The following LHFPL3 variants were observed in gnomAD, a reference collection of about 807,000 sequenced individuals.
The protein encoded by LHFPL3 is LHFPL tetraspan subfamily member 3, also known as LHFPL tetraspan subfamily member 3 protein.
LHFPL3 carries 5 observed loss-of-function variants against 19.3 expected under a neutral mutation model. The ratio of observed to expected loss-of-function variants is 0.26; its 90% CI spans 0.14 to 0.54. The LOEUF is 0.54. Among genes scored for constraint, LHFPL3 ranks in the 20% least tolerant of loss-of-function variants. The pLI is 0.94. For synonymous variants in LHFPL3, 133 were observed against 126.2 expected, an observed-to-expected ratio of 1.05 and a Z score of -0.36; for missense variants, 249 against 307.4, an observed-to-expected ratio of 0.81 and a Z score of 1.42.
chr7:104,741,094 C>T (rs1392704827), intron 2 of LHFPL3, among the ~76,000 whole-genome samples: 3 of 152,006 alleles, frequency 2.0e-5, no homozygotes, highest in Admixed American at 6.6e-5. Context: ...AAAAGGAAAA[C>T]AAGGGAGGGG....
chr7:104,355,929 TATATG>T (rs1426171635), intron 1 of LHFPL3, among the ~76,000 whole-genome samples: 4 of 152,366 alleles, frequency 2.6e-5, no homozygotes, highest in East Asian at 1.9e-4. Flanking sequence ...TAATAAGAAA[TATATG>T]ATATAGAAAG....
chr7:104,877,202 A>G lies in LHFPL3; in HGVS notation c.683-28985A>G, dbSNP rs540543519. Reference sequence around the variant, plus strand: ...AATGACGAGTTACTGGGTGCAGCACACCAACATGGCACATGTATACATATG... The same window carrying G: ...AATGACGAGTTACTGGGTGCAGCACGCCAACATGGCACATGTATACATATG... On this transcript the variant is annotated intron_variant, in intron 2 of 2. Coordinates refer to ENST00000424859, the MANE Select transcript of LHFPL3 (RefSeq NM_199000.3). Among the ~76,000 whole-genome samples the G allele has an allele frequency of 1.6e-3, 246 of 152,294 alleles. 1 individual carries two copies. The highest frequency in any genetic ancestry group is 5.8e-3 in the African/African-American group (240 of 41,558).
Position 104,329,172 on chromosome 7 carries a change from C to T in LHFPL3, c.393C>T (p.Phe131=), listed in dbSNP as rs750587802. ...ACIICFTLFF[F]CNTATVYKIC... is the part of the protein sequence containing the mutation. Reference sequence around the variant, plus strand: ...TCATTTGCTTTACCCTCTTCTTCTTCTGCAACACGGCCACTGTGTACAAGA... The same window carrying T: ...TCATTTGCTTTACCCTCTTCTTCTTTTGCAACACGGCCACTGTGTACAAGA... The change falls in exon 1 of 3, where the codon TTC becomes TTT. Residue 131 remains phenylalanine (F), a synonymous_variant. Coordinates refer to ENST00000424859, the MANE Select transcript of LHFPL3 (RefSeq NM_199000.3). 6.2e-7 allele frequency: 1 copy of T among 1,614,034 alleles called. No homozygotes were observed. The highest frequency in any genetic ancestry group is 1.3e-5 in the African/African-American group (1 of 75,080).
At chr7:104,733,701 G>A (rs1793747094) in intron 1 of LHFPL3, among the ~76,000 whole-genome samples, 1 of 152,142 alleles carries the variant, frequency 6.6e-6, no homozygotes, top group Admixed American at 6.5e-5. Context: ...TCTTTTAATT[G>A]GAGGATTTAG....
At chr7:104,824,906 TATA>T (rs1328931483) in intron 2 of LHFPL3, among the ~76,000 whole-genome samples, 3 of 138,594 alleles carry the variant, frequency 2.2e-5, no homozygotes, top group Admixed American at 8.2e-5. Context: ...TTGTATATAA[TATA>T]ATAATTTTAT....
intron 1 of LHFPL3, among the ~76,000 whole-genome samples, chr7:104,453,842 T>C (rs965290292): frequency 6.6e-6 from 1 of 152,102 alleles, no homozygotes; most frequent in Non-Finnish European, 1.5e-5. Context: ...TTGCTCCTGC[T>C]TCAGCCACGT....
intron 1 of LHFPL3, among the ~76,000 whole-genome samples, chr7:104,516,505 AAATT>A (rs527370358): frequency 4.5e-4 from 68 of 152,264 alleles, no homozygotes; most frequent in African/African-American, 1.0e-3. Flanking sequence ...TTATTTGCCA[AAATT>A]AATTAATTTG....
intron 1 of LHFPL3, among the ~76,000 whole-genome samples, chr7:104,467,609 C>A (rs755947431): frequency 6.6e-6 from 1 of 152,130 alleles, no homozygotes; most frequent in Non-Finnish European, 1.5e-5. Context: ...AACATGCTAT[C>A]TTCTGTTATT....
chr7:104,626,228 A>C (rs1791543709), intron 1 of LHFPL3, among the ~76,000 whole-genome samples: 1 of 152,088 alleles, frequency 6.6e-6, no homozygotes, highest in Non-Finnish European at 1.5e-5. Context: ...GCTATGTGTG[A>C]CTCATTATCA....
At chr7:104,821,160 A>C (rs745825382) in intron 2 of LHFPL3, among the ~76,000 whole-genome samples, 3 of 152,236 alleles carry the variant, frequency 2.0e-5, no homozygotes, top group Non-Finnish European at 2.9e-5. Flanking sequence ...TTTTTTAATA[A>C]ATGTGACAGG....
chr7:104,392,015 C>T (rs189988330), intron 1 of LHFPL3, among the ~76,000 whole-genome samples: 2,305 of 152,126 alleles, frequency 0.015, 65 homozygotes, highest in African/African-American at 0.052. Context: ...GGAATGCTTG[C>T]GATTTTTGCA....
At chr7:104,745,699 A>G (rs1265029883) in intron 2 of LHFPL3, among the ~76,000 whole-genome samples, 1 of 152,188 alleles carries the variant, frequency 6.6e-6, no homozygotes, top group Admixed American at 6.6e-5. Context: ...TCAGGTACCC[A>G]ATCCAGAGCT....
In LHFPL3 at chr7:104,407,591, G is replaced by C. The variant is rs769583586; in HGVS notation, c.445+78367G>C. 3.0e-4 allele frequency among the ~76,000 whole-genome samples: 46 copies of C among 152,332 alleles called. 1 individual carries two copies. The highest frequency in any genetic ancestry group is 3.4e-3 in the Middle Eastern group (1 of 294). On this transcript the variant is annotated intron_variant, in intron 1 of 2. Coordinates refer to ENST00000424859, the MANE Select transcript of LHFPL3 (RefSeq NM_199000.3). The stretch of plus-strand genomic sequence containing the variant: ...GAATTGCCTGAACCCAGGAGGCAGA[G>C]GTTGCAGTGAGCTGAGATTGCGCCA...
At chr7:104,841,146 T>C (rs1326332638) in intron 2 of LHFPL3, among the ~76,000 whole-genome samples, 1 of 152,180 alleles carries the variant, frequency 6.6e-6, no homozygotes, top group East Asian at 1.9e-4. Context: ...GGGGCATTGA[T>C]CTTCCTTTTC....
intron 2 of LHFPL3, among the ~76,000 whole-genome samples, chr7:104,742,388 A>G (rs1385688237): frequency 1.3e-5 from 2 of 152,240 alleles, no homozygotes. Flanking sequence ...GACTCCAGCC[A>G]CCATTTATAT....
At chr7:104,496,215 C>A (rs183155098) in intron 1 of LHFPL3, among the ~76,000 whole-genome samples, 3 of 152,014 alleles carry the variant, frequency 2.0e-5, no homozygotes, top group African/African-American at 7.3e-5. Context: ...TGAGAATATG[C>A]GGTGTTTGGT....
chr7:104,887,668 G>C (rs994814042), intron 2 of LHFPL3, among the ~76,000 whole-genome samples: 1 of 152,196 alleles, frequency 6.6e-6, no homozygotes, highest in Non-Finnish European at 1.5e-5. Context: ...GCACTGAAAT[G>C]GTAAAGCCTA....
At chr7:104,752,965 A>G (rs925898595) in intron 2 of LHFPL3, among the ~76,000 whole-genome samples, 1 of 152,200 alleles carries the variant, frequency 6.6e-6, no homozygotes, top group African/African-American at 2.4e-5. Context: ...ATATTGACAC[A>G]TTATTATCAA....
intron 1 of LHFPL3, among the ~76,000 whole-genome samples, chr7:104,623,225 TG>T (rs1371914976): frequency 2.0e-5 from 3 of 152,174 alleles, no homozygotes; most frequent in Non-Finnish European, 4.4e-5. Context: ...TGTTTTGTTT[TG>T]TTTTTTTGCA....
Sources: gnomAD v4.1 joint callset for allele counts (sites outside exome capture counted in the v4.1 genomes callset) on GRCh38, gnomAD v4.1.1 for gene constraint, MANE v1.5 for transcripts, NCBI Gene and HGNC (gene_info 2026-07-23, HGNC 2026-07-21) for gene names.